GPM6A: variants seen among roughly 807,000 people sequenced by gnomAD.
GPM6A encodes the protein glycoprotein M6A.
GPM6A carries 7 observed loss-of-function variants against 32.1 expected under a neutral mutation model. The observed-to-expected ratio is 0.22, with a 90% CI of 0.12 to 0.41. The LOEUF is 0.41. Ranked by LOEUF, GPM6A falls within the 10% of genes least tolerant of loss-of-function variation. The pLI is 1.00. For missense variants in GPM6A, 235 were observed against 347.2 expected (o/e 0.68, Z 2.57); for synonymous variants, 130 against 123.4 (o/e 1.05, Z -0.35).
intron 1 of GPM6A, among the ~76,000 whole-genome samples, chr4:175,821,444 TTGG>T (rs1252382807): frequency 6.6e-6 from 1 of 152,086 alleles, no homozygotes; most frequent in African/African-American, 2.4e-5. Context: ...ATCTTGGTTT[TTGG>T]TCATCTATAT....
At chr4:175,668,542 T>TGTGTGTG (rs1560863089) in intron 3 of GPM6A, among the ~76,000 whole-genome samples, 1 of 151,520 alleles carries the variant, frequency 6.6e-6, no homozygotes, top group Non-Finnish European at 1.5e-5. Context: ...TGTGTGTGTG[T>TGTGTGTG]TTATTTTAAA....
Position 175,650,179 on chromosome 4 carries a change from A to G in GPM6A, c.541+1655T>C, listed in dbSNP as rs890568611. 5.9e-5 allele frequency among the ~76,000 whole-genome samples: 9 copies of G among 152,338 alleles called. No homozygotes were observed. In the East Asian group the frequency reaches 1.5e-3, roughly 26 times the overall value. ...TGCTTTTCCCCCCGTACACATGTAC[A>G]TATGAGTACTATTATTATGTGAGAT... On this transcript the variant is annotated intron_variant, in intron 4 of 6. Coordinates refer to ENST00000393658, the MANE Select transcript of GPM6A (RefSeq NM_201591.3).
At chr4:175,974,881 C>T (rs910237673) in intron 1 of GPM6A, among the ~76,000 whole-genome samples, 9 of 152,076 alleles carry the variant, frequency 5.9e-5, no homozygotes, top group African/African-American at 2.2e-4. Flanking sequence ...CAGGGGTCTC[C>T]CTATATTGCC....
intron 1 of GPM6A, among the ~76,000 whole-genome samples, chr4:175,870,382 G>A (rs1445128343): frequency 6.6e-6 from 1 of 152,052 alleles, no homozygotes; most frequent in Non-Finnish European, 1.5e-5. Flanking sequence ...AGGCTACCTT[G>A]TTGACACTGA....
chr4:175,672,347 C>T (rs540456805), intron 3 of GPM6A, among the ~76,000 whole-genome samples: 113 of 152,196 alleles, frequency 7.4e-4, no homozygotes, highest in African/African-American at 2.6e-3. Context: ...AACTGTGATC[C>T]ATAAAAGGTA....
chr4:175,640,901 T>C, intron 4 of GPM6A, 72 bp from the exon 5 acceptor site: 1 of 926,526 alleles, frequency 1.1e-6, no homozygotes, highest in Admixed American at 2.0e-5. Flanking sequence ...AAAATGAGTT[T>C]TTGCTAATCA....
chr4:175,725,993 CTTTTT>C (rs377474451), intron 1 of GPM6A, among the ~76,000 whole-genome samples: 1 of 121,956 alleles, frequency 8.2e-6, no homozygotes, highest in Non-Finnish European at 1.6e-5. Context: ...CCTGTTTCTT[CTTTTT>C]TTTTTTTTTT....
intron 1 of GPM6A, among the ~76,000 whole-genome samples, chr4:175,740,257 T>C (rs1579446932): frequency 1.3e-5 from 2 of 151,992 alleles, no homozygotes; most frequent in South Asian, 2.1e-4. Context: ...ATGATAAAAA[T>C]GAAAATACAT....
At chr4:175,648,533 T>G (rs1038712724) in intron 4 of GPM6A, among the ~76,000 whole-genome samples, 1 of 152,192 alleles carries the variant, frequency 6.6e-6, no homozygotes, top group Non-Finnish European at 1.5e-5. Flanking sequence ...ATTGCTGCTG[T>G]AACAGATTGT....
Position 175,753,272 on chromosome 4 carries a change from TATGAGAAAGCTGTTCAAAATG to T in GPM6A, c.38-51526_38-51506del, listed in dbSNP as rs569623199. ...ATACTTAGTGATGTTTCATATTTAT[TATGAGAAAGCTGTTCAAAATG>T]ATGAGAAAGCTGTTCAAAATGATCA... On this transcript the variant is annotated intron_variant, in intron 1 of 6. Coordinates refer to ENST00000393658, the MANE Select transcript of GPM6A (RefSeq NM_201591.3). Among the ~76,000 whole-genome samples the T allele has an allele frequency of 6.4e-4, 97 of 152,286 alleles. 2 individuals are homozygous for T. The South Asian group carries it at 0.018, about 29-fold the overall frequency.
chr4:175,729,837 TTATGTATTTAATGTATA>T (rs1198617170), intron 1 of GPM6A, among the ~76,000 whole-genome samples: 8 of 146,224 alleles, frequency 5.5e-5, no homozygotes, highest in South Asian at 4.2e-4. Context: ...TAATAATTAT[TTATGTATTTAATGTATA>T]TATGTATTTA....
chr4:175,799,440 T>C (rs1426655139), intron 1 of GPM6A, among the ~76,000 whole-genome samples: 1 of 152,164 alleles, frequency 6.6e-6, no homozygotes, highest in African/African-American at 2.4e-5. Context: ...TGCTTGAATC[T>C]AAGTATCTAG....
chr4:175,990,643 G>GT (rs57270659), intron 1 of GPM6A, among the ~76,000 whole-genome samples: 3,054 of 141,892 alleles, frequency 0.022, 35 homozygotes, highest in African/African-American at 0.025. Context: ...GGGTGAAGTA[G>GT]TTTTTTTTTT....
intron 1 of GPM6A, among the ~76,000 whole-genome samples, chr4:175,973,124 A>C: frequency 6.6e-6 from 1 of 152,248 alleles, no homozygotes; most frequent in Non-Finnish European, 1.5e-5. Context: ...GAAAAGGTCC[A>C]GAGGATTTAA....
intron 1 of GPM6A, among the ~76,000 whole-genome samples, chr4:175,939,042 A>G (rs1037431105): frequency 1.3e-5 from 2 of 152,216 alleles, no homozygotes; most frequent in African/African-American, 4.8e-5. Flanking sequence ...AATGCTAAAT[A>G]TAAATAAACA....
At chr4:175,659,703 T>C (rs1440409551) in intron 3 of GPM6A, among the ~76,000 whole-genome samples, 1 of 152,212 alleles carries the variant, frequency 6.6e-6, no homozygotes, top group Admixed American at 6.5e-5. Flanking sequence ...TTAAAATTAA[T>C]AGAAATCAGA....
chr4:175,766,680 A>G, intron 1 of GPM6A, among the ~76,000 whole-genome samples: 1 of 139,782 alleles, frequency 7.2e-6, no homozygotes, highest in Non-Finnish European at 1.5e-5. Flanking sequence ...TTTGAGACAG[A>G]GTCTCACTCT....
At chr4:175,817,839 G>A (rs557893743) in intron 1 of GPM6A, among the ~76,000 whole-genome samples, 1 of 152,088 alleles carries the variant, frequency 6.6e-6, no homozygotes, top group African/African-American at 2.4e-5. Flanking sequence ...CAGTAGTCTC[G>A]TGCTGGAATA....
chr4:175,847,566 A>G (rs1421138939), intron 1 of GPM6A, among the ~76,000 whole-genome samples: 1 of 152,100 alleles, frequency 6.6e-6, no homozygotes, highest in African/African-American at 2.4e-5. Context: ...CTTGTGTTCA[A>G]GTCACCCTTA....
Sources: gnomAD v4.1 joint callset for allele counts (sites outside exome capture counted in the v4.1 genomes callset) on GRCh38, gnomAD v4.1.1 for gene constraint, MANE v1.5 for transcripts, NCBI Gene and HGNC (gene_info 2026-07-23, HGNC 2026-07-21) for gene names.